CSMD1: variants seen among roughly 807,000 people sequenced by gnomAD.
The protein encoded by CSMD1 is CUB and Sushi multiple domains 1, also known as CUB and sushi domain-containing protein 1.
A neutral mutation model predicts 417.5 loss-of-function variants in CSMD1; 213 were observed. The ratio of observed to expected loss-of-function variants is 0.51; its 90% confidence interval spans 0.46 to 0.57. The LOEUF (loss-of-function observed/expected upper bound fraction) is 0.57, where lower values mean the gene tolerates loss of function less well. Ranked by LOEUF, CSMD1 falls within the 20% of genes least tolerant of loss-of-function variation. CSMD1 has a pLI of 0.00. For missense variants in CSMD1, 6,923 were observed against 4,529.7 expected (o/e 1.53, Z -15.17); for synonymous variants, 2,862 against 1,736.8 (o/e 1.65, Z -16.11).
intron 1 of CSMD1, among the ~76,000 whole-genome samples, chr8:4,782,079 A>T (rs549891245): frequency 5.3e-4 from 80 of 152,344 alleles, no homozygotes; most frequent in Non-Finnish European, 5.0e-4. Flanking sequence ...CAGTAGCACA[A>T]GCAGCTAGGC....
intron 55 of CSMD1, among the ~76,000 whole-genome samples, chr8:2,977,755 A>C (rs1030506299): frequency 2.0e-5 from 3 of 152,238 alleles, no homozygotes; most frequent in Non-Finnish European, 2.9e-5. Flanking sequence ...CCCATTAAAA[A>C]GTGGGCAAAG....
At chr8:4,237,249 G>C (rs1029027017) in intron 3 of CSMD1, among the ~76,000 whole-genome samples, 1 of 152,128 alleles carries the variant, frequency 6.6e-6, no homozygotes, top group Non-Finnish European at 1.5e-5. Flanking sequence ...CCTGCCCTTT[G>C]GTCCTGAAGA....
chr8:3,376,431 C>T (rs976230659), intron 18 of CSMD1, among the ~76,000 whole-genome samples: 2 of 151,846 alleles, frequency 1.3e-5, no homozygotes, highest in African/African-American at 4.8e-5. Context: ...AATTTTTCTA[C>T]AGAACATATA....
At chr8:4,930,656 A>G (rs1807183408) in intron 1 of CSMD1, among the ~76,000 whole-genome samples, 4 of 152,196 alleles carry the variant, frequency 2.6e-5, no homozygotes, top group Admixed American at 2.6e-4. Context: ...ACCCAGAAAC[A>G]TTAATATTTC....
chr8:3,978,411 A>G (rs560872308), intron 5 of CSMD1, among the ~76,000 whole-genome samples: 3 of 151,820 alleles, frequency 2.0e-5, no homozygotes, highest in Non-Finnish European at 2.9e-5. Context: ...TTCCACTCAT[A>G]TTTTTTTTCT....
intron 9 of CSMD1, among the ~76,000 whole-genome samples, chr8:3,579,075 A>C (rs922091297): frequency 1.3e-5 from 2 of 152,236 alleles, no homozygotes; most frequent in Non-Finnish European, 2.9e-5. Flanking sequence ...ACTACGACCT[A>C]ATGTACACCT....
In CSMD1 at chr8:4,860,101, G is replaced by A. The variant is rs554786001; in HGVS notation, c.85+134231C>T. Among the ~76,000 whole-genome samples, 37 of 151,902 alleles carry A rather than the reference G, an allele frequency of 2.4e-4. 1 individual carries two copies. The highest frequency in any genetic ancestry group is 3.3e-4 in the Admixed American group (5 of 15,264). On this transcript the variant is annotated intron_variant, in intron 1 of 69. Coordinates refer to ENST00000635120, the MANE Select transcript of CSMD1 (RefSeq NM_033225.6). The stretch of plus-strand genomic sequence containing the variant: ...AGCCATAAAAAAATGATGAGTTCAC[G>A]TCCTTTGTAGGGACATGGATGAAAT...
At chr8:4,128,844 G>T (rs376842424) in intron 3 of CSMD1, among the ~76,000 whole-genome samples, 1 of 152,018 alleles carries the variant, frequency 6.6e-6, no homozygotes, top group Non-Finnish European at 1.5e-5. Flanking sequence ...GTCATTATTG[G>T]TAAGTGTTAC....
chr8:4,373,156 A>G (rs1802502255), intron 3 of CSMD1, among the ~76,000 whole-genome samples: 1 of 152,112 alleles, frequency 6.6e-6, no homozygotes, highest in Admixed American at 6.6e-5. Flanking sequence ...GGGAGGAGCA[A>G]CCCATGATAC....
intron 18 of CSMD1, among the ~76,000 whole-genome samples, chr8:3,380,502 A>G (rs1182840145): frequency 6.6e-6 from 1 of 152,238 alleles, no homozygotes; most frequent in Non-Finnish European, 1.5e-5. Context: ...ATGTCCATCA[A>G]TGATAGGCTG....
At chr8:4,481,622 C>T (rs990444694) in intron 2 of CSMD1, among the ~76,000 whole-genome samples, 6 of 152,144 alleles carry the variant, frequency 3.9e-5, no homozygotes, top group Non-Finnish European at 8.8e-5. Flanking sequence ...AACTTTAACA[C>T]ATGAGGAAAT....
chr8:3,583,332 C>A (rs1229131534), intron 9 of CSMD1, among the ~76,000 whole-genome samples: 1 of 151,870 alleles, frequency 6.6e-6, no homozygotes, highest in African/African-American at 2.4e-5. Context: ...TGGGTCAGAG[C>A]TGCATGGTTT....
chr8:3,223,044 A>G (rs939246296), intron 28 of CSMD1, among the ~76,000 whole-genome samples: 3 of 152,238 alleles, frequency 2.0e-5, no homozygotes, highest in Non-Finnish European at 4.4e-5. Context: ...CTTCATAAAC[A>G]ACACATTCAT....
rs565860497 is a variant in CSMD1, at chr8:4,700,306, T to C, written c.86-62748A>G. On this transcript the variant is annotated intron_variant, in intron 1 of 69. Coordinates refer to ENST00000635120, the MANE Select transcript of CSMD1 (RefSeq NM_033225.6). ...TGAGTATTATAAACCAACGTGAATG[T>C]TTTAAAGGATTATTTTATCATTAAT... 1.9e-3 allele frequency among the ~76,000 whole-genome samples: 287 copies of C among 152,034 alleles called. 1 individual carries two copies. Among genetic ancestry groups the C allele is most frequent in the African/African-American group, 6.6e-3 (272 of 41,524 alleles).
intron 3 of CSMD1, among the ~76,000 whole-genome samples, chr8:4,178,475 T>C (rs1479974881): frequency 1.3e-5 from 2 of 151,218 alleles, no homozygotes; most frequent in Non-Finnish European, 2.9e-5. Flanking sequence ...GCCAATATCA[T>C]ACTGAATGGG....
chr8:4,144,963 G>T (rs1004237622), intron 3 of CSMD1, among the ~76,000 whole-genome samples: 1 of 150,996 alleles, frequency 6.6e-6, no homozygotes, highest in South Asian at 2.1e-4. Context: ...CTTGAAAACA[G>T]AAGGGAGGAT....
intron 10 of CSMD1, among the ~76,000 whole-genome samples, chr8:3,553,365 G>C (rs2116797891): frequency 6.6e-6 from 1 of 152,280 alleles, no homozygotes; most frequent in East Asian, 1.9e-4. Flanking sequence ...GCCTTTTTTA[G>C]ATAAATTGTT....
chr8:4,251,802 G>C (rs1201507783), intron 3 of CSMD1, among the ~76,000 whole-genome samples: 1 of 149,370 alleles, frequency 6.7e-6, no homozygotes, highest in Admixed American at 6.7e-5. Flanking sequence ...AGGAAAGATG[G>C]AGAAGGACAG....
At chr8:3,963,237 G>A (rs1478601281) in intron 5 of CSMD1, among the ~76,000 whole-genome samples, 2 of 152,070 alleles carry the variant, frequency 1.3e-5, no homozygotes, top group Admixed American at 6.6e-5. Context: ...CGGCCTCAGT[G>A]TTTTGAATAT....
Sources: allele counts gnomAD v4.1 joint callset (sites outside exome capture counted in the v4.1 genomes callset), GRCh38; gene constraint gnomAD v4.1.1; transcripts MANE v1.5; gene names NCBI Gene and HGNC (gene_info 2026-07-23, HGNC 2026-07-21).